Variants in ADAMTS20 observed in about 807,000 individuals in gnomAD.
ADAMTS20 encodes ADAM metallopeptidase with thrombospondin type 1 motif 20.
ADAMTS20 carries 225 observed loss-of-function variants against 260.1 expected under a neutral mutation model. That is an observed-to-expected ratio of 0.87 (90% CI 0.78 to 0.97). The LOEUF (loss-of-function observed/expected upper bound fraction) is 0.97, where lower values mean the gene tolerates loss of function less well. ADAMTS20 is among the 50% of genes least tolerant of loss of function. The pLI, the probability that ADAMTS20 is intolerant of heterozygous loss-of-function variation, is 0.00. For synonymous variants in ADAMTS20, 802 were observed against 769.5 expected, an observed-to-expected ratio of 1.04 and a Z score of -0.70; for missense variants, 2,400 against 2,337.7, an observed-to-expected ratio of 1.03 and a Z score of -0.55.
intron 29 of ADAMTS20, among the ~76,000 whole-genome samples, chr12:43,390,293 T>C (rs1940570134): frequency 6.6e-6 from 1 of 152,240 alleles, no homozygotes; most frequent in Non-Finnish European, 1.5e-5. Context: ...AAACAGCTCA[T>C]AGCTTAGATT....
downstream of ADAMTS20, among the ~76,000 whole-genome samples, chr12:43,353,537 T>G (rs1046006776): frequency 9.9e-5 from 15 of 152,028 alleles, no homozygotes; most frequent in Non-Finnish European, 2.1e-4. Flanking sequence ...ATCTTTATTA[T>G]ACCCACAAAA....
Position 43,452,552 on chromosome 12 carries a change from A to G in ADAMTS20, c.1904T>C (p.Ile635Thr). The G allele has an allele frequency of 6.2e-7, 1 of 1,613,556 alleles. No individual in the cohort carries two copies. Among genetic ancestry groups the G allele is most frequent in the Non-Finnish European group, 8.5e-7 (1 of 1,179,674 alleles). The change falls in exon 13 of 39, where the codon ATT becomes ACT. Residue 635 changes from isoleucine (I) to threonine (T), a missense_variant. Transcript: ENST00000389420. ...TGGAAGCCACCTCACATTAGAGGGA[A>G]TGCCACTGATGTCCAAATGTTTACC... ...FNGKHLDISG[I>T]PSNVRWLPRY...
At chr12:43,397,085 C>T (rs1465254361) in intron 29 of ADAMTS20, among the ~76,000 whole-genome samples, 1 of 152,122 alleles carries the variant, frequency 6.6e-6, no homozygotes, top group African/African-American at 2.4e-5. Context: ...CTATCCAGAT[C>T]AAGTAAGGCA....
At chr12:43,422,397 A>G (rs1300546030) in intron 28 of ADAMTS20, among the ~76,000 whole-genome samples, 1 of 152,030 alleles carries the variant, frequency 6.6e-6, no homozygotes, top group African/African-American at 2.4e-5. Flanking sequence ...ATATGCTAAT[A>G]AGCTATTCTG....
At chr12:43,423,002 T>G (rs1207107684) in intron 28 of ADAMTS20, 3 of 152,138 alleles carry the variant, frequency 2.0e-5, no homozygotes, top group African/African-American at 7.2e-5. Context: ...AACCTTAAAA[T>G]GTAAAATATC....
intron 15 of ADAMTS20, among the ~76,000 whole-genome samples, chr12:43,444,885 C>A (rs1162160776): frequency 6.6e-6 from 1 of 152,082 alleles, no homozygotes; most frequent in African/African-American, 2.4e-5. Context: ...TGTTTTAGAG[C>A]AGACTTATTT....
chr12:43,354,288 C>G lies in ADAMTS20; in HGVS notation c.5654G>C (p.Arg1885Thr), dbSNP rs1478180708. The change falls in exon 39 of 39, where the codon AGA becomes ACA. Residue 1885 changes from arginine to threonine, a missense_variant. Arg to Thr is a moderately conservative substitution (Grantham distance 71). Coordinates refer to ENST00000389420, the MANE Select transcript of ADAMTS20 (RefSeq NM_025003.5). Reference protein sequence around the residue: ...VSIRRSEDGTRFFGKCGGYCG... With the variant: ...VSIRRSEDGTTFFGKCGGYCG... ...GTACCCTCCACATTTGCCGAAAAAT[C>G]TAGTTCCATCCTGAAAATCGGAAGA... 6.3e-7 allele frequency: 1 copy of G among 1,586,022 alleles called. No homozygotes were observed.
intron 17 of ADAMTS20, 57 bp from the exon 18 acceptor site, chr12:43,439,808 C>A (rs1483748874): frequency 6.4e-7 from 1 of 1,553,356 alleles, no homozygotes; most frequent in Non-Finnish European, 8.7e-7. Context: ...TTCTTGACAT[C>A]ATTTTATATT....
chr12:43,536,986 C>T (rs1943304223), intron 2 of ADAMTS20, among the ~76,000 whole-genome samples: 1 of 152,164 alleles, frequency 6.6e-6, no homozygotes, highest in African/African-American at 2.4e-5. Flanking sequence ...TTCTTAATCA[C>T]AAATATCTTA....
intron 28 of ADAMTS20, among the ~76,000 whole-genome samples, chr12:43,414,132 A>T (rs535280535): frequency 7.8e-4 from 119 of 152,246 alleles, no homozygotes; most frequent in African/African-American, 2.8e-3. Flanking sequence ...TTAAAAGGAG[A>T]AATAGTGCAG....
At chr12:43,499,610 T>C (rs546369687) in intron 4 of ADAMTS20, among the ~76,000 whole-genome samples, 1 of 152,042 alleles carries the variant, frequency 6.6e-6, no homozygotes, top group African/African-American at 2.4e-5. Flanking sequence ...GTTCAAGCAA[T>C]TCTCCTGCCT....
At chr12:43,484,368 G>T (rs1181926638) in intron 7 of ADAMTS20, among the ~76,000 whole-genome samples, 4 of 151,932 alleles carry the variant, frequency 2.6e-5, no homozygotes, top group Non-Finnish European at 5.9e-5. Context: ...AATCCAAAAG[G>T]TTGATTATTA....
chr12:43,377,116 G>T (rs1245066846), intron 32 of ADAMTS20, among the ~76,000 whole-genome samples: 1 of 152,174 alleles, frequency 6.6e-6, no homozygotes, highest in Non-Finnish European at 1.5e-5. Context: ...TACTCAAAGT[G>T]CAAGCCACTG....
chr12:43,437,872 GA>G lies in ADAMTS20; in HGVS notation c.2593+1749del, dbSNP rs1941585918. The stretch of plus-strand genomic sequence containing the variant: ...TAAAAAACAACATGAACAAATTAGA[GA>G]AAAGAGGGCCACAGTAGCCAAAGGT... On this transcript the variant is annotated intron_variant, in intron 18 of 38. Transcript: ENST00000389420. 2.0e-5 allele frequency among the ~76,000 whole-genome samples: 3 copies of G among 152,086 alleles called. No individual in the cohort carries two copies. The South Asian group carries it at 6.2e-4, about 32-fold the overall frequency.
intron 9 of ADAMTS20, among the ~76,000 whole-genome samples, chr12:43,466,205 G>T (rs1401675629): frequency 6.6e-6 from 1 of 151,998 alleles, no homozygotes; most frequent in Admixed American, 6.6e-5. Context: ...TGGCTTTAGA[G>T]AACTAACAGA....
intron 37 of ADAMTS20, among the ~76,000 whole-genome samples, chr12:43,359,471 C>T (rs1400542231): frequency 6.6e-6 from 1 of 152,014 alleles, no homozygotes; most frequent in East Asian, 1.9e-4. Context: ...ACAAATTTTC[C>T]ACCCAGAATC....
At chr12:43,529,806 A>T (rs1199564210) in intron 3 of ADAMTS20, among the ~76,000 whole-genome samples, 2 of 152,152 alleles carry the variant, frequency 1.3e-5, no homozygotes, top group Non-Finnish European at 2.9e-5. Context: ...AGCTATTAAA[A>T]CTTTTAAGAA....
intron 22 of ADAMTS20, 39 bp downstream of exon 22, chr12:43,431,293 A>C: frequency 1.3e-6 from 2 of 1,597,476 alleles, no homozygotes; most frequent in Non-Finnish European, 8.5e-7. Context: ...TATTCTGTAA[A>C]GATAGATCAA....
chr12:43,383,629 T>C lies in ADAMTS20; in HGVS notation c.4726A>G (p.Ile1576Val), dbSNP rs1940403353. ...CTGCAATTCTTGGATGTAAGAGATATGGTTGAAGAATTATAGACTATTTCA... is the reference window on the plus strand; with the variant it reads ...CTGCAATTCTTGGATGTAAGAGATACGGTTGAAGAATTATAGACTATTTCA... ...VNEIVYNSST[I>V]SLTSKNCRNP... The change falls in exon 31 of 39, where the codon ATA (isoleucine) becomes GTA (valine). Residue 1576 changes from isoleucine (I) to valine (V), a missense_variant. Ile to Val is a conservative substitution (Grantham distance 29, BLOSUM62 3). Coordinates refer to ENST00000389420, the MANE Select transcript of ADAMTS20 (RefSeq NM_025003.5). 6.2e-7 allele frequency: 1 copy of C among 1,613,762 alleles called. No homozygotes were observed. Among genetic ancestry groups the C allele is most frequent in the South Asian group, 1.1e-5 (1 of 91,074 alleles).
Sources: allele counts gnomAD v4.1 joint callset (sites outside exome capture counted in the v4.1 genomes callset), GRCh38; gene constraint gnomAD v4.1.1; transcripts MANE v1.5; gene names NCBI Gene and HGNC (gene_info 2026-07-23, HGNC 2026-07-21).